The following SNRPN variants were observed in gnomAD, a reference collection of about 807,000 sequenced individuals.
The protein encoded by SNRPN is small nuclear ribonucleoprotein-associated protein N.
Under a neutral mutation model 25.2 loss-of-function variants are expected in SNRPN, and 7 were observed. That is an observed-to-expected ratio of 0.28 (90% CI 0.16 to 0.52). The LOEUF is 0.52. SNRPN is among the 20% of genes least tolerant of loss of function. The pLI, the probability that SNRPN is intolerant of heterozygous loss-of-function variation, is 0.96. For missense variants in SNRPN, 196 were observed against 322.5 expected (o/e 0.61, Z 3.00); for synonymous variants, 124 against 110.6 (o/e 1.12, Z -0.76).
At chr15:24,892,139 G>A (rs796645187) in intron 2 of SNRPN, among the ~76,000 whole-genome samples, 7 of 152,262 alleles carry the variant, frequency 4.6e-5, no homozygotes, top group African/African-American at 1.2e-4. Context: ...AACAGCTATC[G>A]AAATGTCTCC....
At chr15:24,947,778 T>G (rs914660294) in intron 3 of SNRPN, among the ~76,000 whole-genome samples, 1 of 152,210 alleles carries the variant, frequency 6.6e-6, no homozygotes, top group Admixed American at 6.5e-5. Context: ...TGGGTTGGAC[T>G]TTATTTATAC....
At chr15:24,862,250 A>G (rs1270807999) in intron 1 of SNRPN, among the ~76,000 whole-genome samples, 1 of 151,164 alleles carries the variant, frequency 6.6e-6, no homozygotes, top group African/African-American at 2.5e-5. Flanking sequence ...TAGAGAACAA[A>G]ATACTTTTCC....
chr15:24,926,014 C>G (rs946965123), intron 3 of SNRPN, among the ~76,000 whole-genome samples: 4 of 152,008 alleles, frequency 2.6e-5, no homozygotes, highest in Non-Finnish European at 5.9e-5. Flanking sequence ...GATTACAGGC[C>G]TGAGCCACCG....
chr15:24,977,975 A>G lies in SNRPN; in HGVS notation c.559+59A>G, dbSNP rs543746860. ...ATCTCTGATGAGAGATAGCTTACTG[A>G]TTTAAGACACAGCCTGAGAGCCTAA... is the stretch of plus-strand genomic sequence containing the variant. On this transcript the variant is annotated intron_variant, in intron 8 of 9. Coordinates refer to ENST00000390687, the MANE Select transcript of SNRPN (RefSeq NM_003097.6). 2.1e-6 allele frequency: 3 copies of G among 1,458,902 alleles called. No individual in the cohort carries two copies. In the African/African-American group the frequency reaches 4.2e-5, roughly 21 times the overall value. The allele number at this position is 1,458,902 out of a possible 1,614,324, so 90.4% of individuals were successfully genotyped here. A position where few individuals can be genotyped will look rare whatever the true frequency, so the allele number is the denominator to read the frequency against.
At chr15:24,968,857 T>TA (rs1202356005) in intron 3 of SNRPN, 1 of 152,236 alleles carries the variant, frequency 6.6e-6, no homozygotes. Context: ...TAGTTCTTTT[T>TA]ATGTTGCTTT....
chr15:24,878,647 C>A (rs2056250884), intron 1 of SNRPN, among the ~76,000 whole-genome samples: 1 of 152,148 alleles, frequency 6.6e-6, no homozygotes, highest in East Asian at 1.9e-4. Flanking sequence ...TGTTGTTTTC[C>A]CATGAAAAAT....
At chr15:24,825,972 G>A (rs949401080) in intron 1 of SNRPN, among the ~76,000 whole-genome samples, 3 of 151,966 alleles carry the variant, frequency 2.0e-5, no homozygotes, top group African/African-American at 7.3e-5. Flanking sequence ...AAGGGGGAGG[G>A]GTTCAACCTA....
chr15:24,961,556 T>C (rs1229159083), intron 1 of SNRPN, among the ~76,000 whole-genome samples: 2 of 152,204 alleles, frequency 1.3e-5, no homozygotes, highest in African/African-American at 4.8e-5. Context: ...GTTTTTTGTT[T>C]GTTTGTTTGT....
chr15:24,912,716 AAGTGTATT>A (rs1046880861), intron 2 of SNRPN, among the ~76,000 whole-genome samples: 1 of 152,136 alleles, frequency 6.6e-6, no homozygotes, highest in African/African-American at 2.4e-5. Context: ...ATCTCTATAA[AAGTGTATT>A]AATTTAAAGG....
rs1281079151 is a variant in SNRPN, at chr15:24,974,449, C to A, written c.-5C>A. The A allele has an allele frequency of 6.2e-7, 1 of 1,613,576 alleles. No individual in the cohort carries two copies. Among genetic ancestry groups the A allele is most frequent in the South Asian group, 1.1e-5 (1 of 91,070 alleles). ...GTGGACATTGGATTTGGTGGAACAG[C>A]AATCATGGTAAGCTGTATGATAAGG... is the stretch of plus-strand genomic sequence containing the variant. On this transcript the variant is annotated 5_prime_UTR_variant, in exon 4 of 10. Coordinates refer to ENST00000390687, the MANE Select transcript of SNRPN (RefSeq NM_003097.6).
chr15:24,909,872 G>T (rs1442979643), intron 2 of SNRPN: 1 of 752,630 alleles, frequency 1.3e-6, no homozygotes, highest in Non-Finnish European at 2.3e-6. Context: ...AGACCAGCAG[G>T]CACAGCGGCG....
At chr15:24,962,891 T>C (rs1043803218) in intron 2 of SNRPN, among the ~76,000 whole-genome samples, 2 of 152,226 alleles carry the variant, frequency 1.3e-5, no homozygotes, top group African/African-American at 4.8e-5. Flanking sequence ...AGCATTTTTT[T>C]CTTAGCTACA....
intron 1 of SNRPN, among the ~76,000 whole-genome samples, chr15:24,824,966 ATGAGATTCAATAGCAAATGGC>A: frequency 6.6e-6 from 1 of 152,218 alleles, no homozygotes. Context: ...GGGTGGATCT[ATGAGATTCAATAGCAAATGGC>A]TGTTATACAA....
In SNRPN at chr15:24,973,603, T is replaced by G. The variant is rs374462072; in HGVS notation, c.-143-708T>G. 5.9e-5 allele frequency among the ~76,000 whole-genome samples: 9 copies of G among 152,264 alleles called. No individual in the cohort carries two copies. The East Asian group carries it at 1.7e-3, about 29-fold the overall frequency. ...CTAGCAGAGACGGGATTTCACCATG[T>G]TGGCCAGGCTGGTCTCGAACTCTTG... is the stretch of plus-strand genomic sequence containing the variant. On this transcript the variant is annotated intron_variant, in intron 3 of 9. Coordinates refer to ENST00000390687, the MANE Select transcript of SNRPN (RefSeq NM_003097.6).
chr15:24,956,320 G>A (rs11630032), intron 1 of SNRPN, among the ~76,000 whole-genome samples: 1 of 146,988 alleles, frequency 6.8e-6, no homozygotes, highest in African/African-American at 2.5e-5. Flanking sequence ...GATGGCCGCC[G>A]CTGCAGCGGC....
intron 3 of SNRPN, among the ~76,000 whole-genome samples, chr15:24,971,288 C>T (rs2076368032): frequency 1.3e-5 from 2 of 152,234 alleles, no homozygotes; most frequent in East Asian, 1.9e-4. Flanking sequence ...TTGCTACTCT[C>T]GTCGCCTTTC....
intron 3 of SNRPN, 107 bp downstream of exon 3, chr15:24,968,189 C>CATACA (rs1308182958): frequency 1.4e-6 from 1 of 720,580 alleles, no homozygotes; most frequent in Non-Finnish European, 2.4e-6. Context: ...CTTAGAGCTT[C>CATACA]ATACAATAAA....
intron 2 of SNRPN, chr15:24,849,036 A>G (rs1430345178): frequency 1.3e-5 from 2 of 152,328 alleles, no homozygotes; most frequent in Non-Finnish European, 2.9e-5. Flanking sequence ...CCCTGGTTCA[A>G]GCAATTCTGC....
chr15:24,836,281 A>G lies in SNRPN; in HGVS notation c.-579+6376A>G, dbSNP rs181084196. 5.9e-5 allele frequency among the ~76,000 whole-genome samples: 9 copies of G among 152,226 alleles called. 1 individual carries two copies. Among genetic ancestry groups the G allele is most frequent in the Admixed American group, 3.9e-4 (6 of 15,290 alleles). On this transcript the variant is annotated intron_variant, in intron 2 of 12. Transcript: ENST00000400100. ...CATCTAATAGAAGGCCCTATGTCCA[A>G]ACAGTCACATTCTGAGACACTGGGG...
Sources: allele counts gnomAD v4.1 joint callset (sites outside exome capture counted in the v4.1 genomes callset), GRCh38; gene constraint gnomAD v4.1.1; transcripts MANE v1.5; gene names NCBI Gene and HGNC (gene_info 2026-07-23, HGNC 2026-07-21).